SMYD3: variants seen among roughly 807,000 people sequenced by gnomAD.
SMYD3 encodes the protein histone-lysine N-methyltransferase SMYD3.
Under a neutral mutation model 57.7 loss-of-function variants are expected in SMYD3, and 36 were observed. The observed-to-expected ratio is 0.62, with a 90% CI of 0.48 to 0.82. The LOEUF is 0.82. SMYD3 is among the 40% of genes least tolerant of loss of function. The pLI, the probability that SMYD3 is intolerant of heterozygous loss-of-function variation, is 0.00. For missense variants in SMYD3, 515 were observed against 538.8 expected, an observed-to-expected ratio of 0.96 and a Z score of 0.44; for synonymous variants, 211 against 195.0, an observed-to-expected ratio of 1.08 and a Z score of -0.68.
In SMYD3 at chr1:246,194,964, C is replaced by A. The variant is rs139144341; in HGVS notation, c.531+132237G>T. ...TCCATATACGTGTGTTCTCTTGTAC[C>A]TGCAGCCAGGTTTTCACCACTGCCA... On this transcript the variant is annotated intron_variant, in intron 5 of 11. Transcript: ENST00000490107. Among the ~76,000 whole-genome samples the A allele has an allele frequency of 1.9e-3, 296 of 152,310 alleles. 2 individuals carry two copies. The highest frequency in any genetic ancestry group is 6.8e-3 in the African/African-American group (282 of 41,570).
intron 10 of SMYD3, among the ~76,000 whole-genome samples, chr1:245,830,750 A>C (rs2049788747): frequency 6.6e-6 from 1 of 152,212 alleles, no homozygotes; most frequent in Non-Finnish European, 1.5e-5. Context: ...AGTTTGCTAG[A>C]GTGGCACCAG....
At chr1:246,153,687 G>T (rs1267069596) in intron 5 of SMYD3, among the ~76,000 whole-genome samples, 1 of 151,948 alleles carries the variant, frequency 6.6e-6, no homozygotes, top group East Asian at 1.9e-4. Context: ...TCCCAAGCTG[G>T]TCTCAAACTC....
chr1:246,452,566 T>A (rs923487589), intron 1 of SMYD3, among the ~76,000 whole-genome samples: 21 of 152,088 alleles, frequency 1.4e-4, no homozygotes, highest in African/African-American at 5.1e-4. Context: ...GTAATAGCAA[T>A]GAGAACTCAT....
chr1:246,360,503 G>T (rs747957185), intron 1 of SMYD3, among the ~76,000 whole-genome samples: 2 of 151,420 alleles, frequency 1.3e-5, no homozygotes, highest in Non-Finnish European at 2.9e-5. Context: ...GCCAAAGCAA[G>T]ACTAAGCAAA....
intron 5 of SMYD3, among the ~76,000 whole-genome samples, chr1:245,936,154 C>T (rs564805449): frequency 8.3e-4 from 126 of 152,074 alleles, no homozygotes; most frequent in Non-Finnish European, 1.5e-3. Flanking sequence ...AATTGTTATT[C>T]GTTAATTAAA....
At chr1:245,995,538 TGTGC>T (rs1231918555) in intron 5 of SMYD3, among the ~76,000 whole-genome samples, 1 of 152,280 alleles carries the variant, frequency 6.6e-6, no homozygotes, top group African/African-American at 2.4e-5. Flanking sequence ...GATATCAATT[TGTGC>T]TCTTCTCTTT....
At chr1:246,170,572 T>C (rs2062312349) in intron 5 of SMYD3, among the ~76,000 whole-genome samples, 1 of 152,308 alleles carries the variant, frequency 6.6e-6, no homozygotes, top group South Asian at 2.1e-4. Flanking sequence ...TTTCTAAATT[T>C]GCTTGTCTCA....
At chr1:245,881,880 C>T (rs1414280711) in intron 8 of SMYD3, among the ~76,000 whole-genome samples, 1 of 152,090 alleles carries the variant, frequency 6.6e-6, no homozygotes, top group Non-Finnish European at 1.5e-5. Context: ...AGAGGGAAGC[C>T]AAGTGCAAAG....
intron 5 of SMYD3, among the ~76,000 whole-genome samples, chr1:245,967,594 C>G (rs1254408931): frequency 1.3e-5 from 2 of 152,202 alleles, no homozygotes; most frequent in Admixed American, 1.3e-4. Context: ...CTTCCGGTGT[C>G]TACCTAGTGT....
chr1:245,883,302 A>C (rs546281524), intron 8 of SMYD3, among the ~76,000 whole-genome samples: 5 of 152,138 alleles, frequency 3.3e-5, no homozygotes, highest in Admixed American at 6.5e-5. Flanking sequence ...TGTAAAGTAG[A>C]CTCCCAGCAC....
At chr1:245,951,846 A>C (rs2057664209) in intron 5 of SMYD3, among the ~76,000 whole-genome samples, 1 of 152,176 alleles carries the variant, frequency 6.6e-6, no homozygotes. Flanking sequence ...TTTCTAATAA[A>C]AAATAAAATT....
At chr1:245,992,572 G>C (rs6694778) in intron 5 of SMYD3, among the ~76,000 whole-genome samples, 1 of 139,374 alleles carries the variant, frequency 7.2e-6, no homozygotes, top group African/African-American at 2.7e-5. Flanking sequence ...TCATGGATCG[G>C]CCACTTCTAG....
At chr1:246,396,960 T>A (rs2066683668) in intron 1 of SMYD3, among the ~76,000 whole-genome samples, 1 of 152,236 alleles carries the variant, frequency 6.6e-6, no homozygotes, top group East Asian at 1.9e-4. Flanking sequence ...CAACAATATT[T>A]ATTTACCAAG....
intron 11 of SMYD3, among the ~76,000 whole-genome samples, chr1:245,763,112 C>T (rs1355899340): frequency 6.6e-6 from 1 of 152,208 alleles, no homozygotes; most frequent in South Asian, 2.1e-4. Context: ...AACTAACCAT[C>T]GTGTTTTAAC....
chr1:245,864,794 T>TAA (rs1033040035), intron 8 of SMYD3, among the ~76,000 whole-genome samples: 2 of 152,130 alleles, frequency 1.3e-5, no homozygotes, highest in African/African-American at 4.8e-5. Context: ...GCTGATATTT[T>TAA]AAAAAAACAG....
intron 5 of SMYD3, among the ~76,000 whole-genome samples, chr1:246,260,115 C>T (rs186305156): frequency 1.1e-4 from 16 of 152,196 alleles, no homozygotes; most frequent in East Asian, 1.9e-4. Flanking sequence ...GATCTCTGCA[C>T]GGGAAGGATG....
intron 1 of SMYD3, among the ~76,000 whole-genome samples, chr1:246,464,628 G>A (rs978888499): frequency 2.0e-5 from 3 of 152,218 alleles, no homozygotes; most frequent in South Asian, 2.1e-4. Context: ...TCCTCTCCAC[G>A]ATGGTGTCTA....
At chr1:245,763,441 C>G (rs1177059485) in intron 11 of SMYD3, among the ~76,000 whole-genome samples, 2 of 152,138 alleles carry the variant, frequency 1.3e-5, no homozygotes, top group Non-Finnish European at 2.9e-5. Flanking sequence ...AAAGGATCAG[C>G]AGAGTCCTGC....
chr1:245,938,776 T>C (rs2057089746), intron 5 of SMYD3, among the ~76,000 whole-genome samples: 2 of 152,170 alleles, frequency 1.3e-5, no homozygotes, highest in African/African-American at 2.4e-5. Context: ...AATACATAAA[T>C]AGTGCCATTC....
Sources: allele counts gnomAD v4.1 joint callset (sites outside exome capture counted in the v4.1 genomes callset), GRCh38; gene constraint gnomAD v4.1.1; transcripts MANE v1.5; gene names NCBI Gene and HGNC (gene_info 2026-07-23, HGNC 2026-07-21).